Variants in VEPH1 observed in about 807,000 individuals in gnomAD.
VEPH1 encodes the protein ventricular zone-expressed PH domain-containing protein homolog 1.
In VEPH1, 80 loss-of-function variants were observed where a neutral mutation model predicts 85.2. The observed-to-expected ratio is 0.94, with a 90% CI of 0.78 to 1.13. The LOEUF is 1.13. Ranked by LOEUF, VEPH1 falls within the 50% of genes most tolerant of loss-of-function variation. VEPH1 has a pLI of 0.00. For missense variants in VEPH1, 955 were observed against 980.5 expected (o/e 0.97, Z 0.35); for synonymous variants, 297 against 348.0 (o/e 0.85, Z 1.63).
rs66539962 is a variant in VEPH1 at position 157,385,219 on chromosome 3, C to CAA, written c.907-3845_907-3844dup. ...TTGCTATACTGCCAGCTCCTCCCATCAAAAAAAAAAAAAAAAACTAAATGA... is the reference window on the plus strand; with the variant it reads ...TTGCTATACTGCCAGCTCCTCCCATCAAAAAAAAAAAAAAAAAAACTAAATGA... On this transcript the variant is annotated intron_variant, in intron 6 of 13. Transcript: ENST00000362010. 8.4e-3 allele frequency among the ~76,000 whole-genome samples: 1,132 copies of CAA among 135,462 alleles called. 5 individuals carry two copies. The highest frequency in any genetic ancestry group is 0.013 in the Non-Finnish European group (819 of 62,704). 88.9% of individuals were successfully genotyped at this position (135,462 alleles called of 152,430 possible).
intron 11 of VEPH1, among the ~76,000 whole-genome samples, chr3:157,311,526 T>C (rs1720108473): frequency 6.6e-6 from 1 of 152,254 alleles, no homozygotes; most frequent in South Asian, 2.1e-4. Context: ...CCACATAATG[T>C]ACATTGCAGA....
intron 2 of VEPH1, among the ~76,000 whole-genome samples, chr3:157,488,450 C>CA (rs575746617): frequency 3.0e-4 from 46 of 151,896 alleles, no homozygotes; most frequent in African/African-American, 9.4e-4. Flanking sequence ...TTCCTTGCAA[C>CA]AGCTTATTCA....
intron 9 of VEPH1, among the ~76,000 whole-genome samples, chr3:157,354,190 T>C (rs944036637): frequency 6.6e-6 from 1 of 152,042 alleles, no homozygotes; most frequent in Admixed American, 6.6e-5. Flanking sequence ...TAAATGGGAA[T>C]TCTCTATACT....
chr3:157,357,764 A>T (rs924603582), intron 9 of VEPH1, among the ~76,000 whole-genome samples: 2 of 152,170 alleles, frequency 1.3e-5, no homozygotes, highest in African/African-American at 4.8e-5. Context: ...AAGTGTTGGG[A>T]TTATGTAATA....
chr3:157,436,235 C>G (rs1044908276), intron 4 of VEPH1, among the ~76,000 whole-genome samples: 25 of 151,914 alleles, frequency 1.6e-4, no homozygotes, highest in African/African-American at 5.8e-4. Context: ...CGAGATCACA[C>G]CATTGCACTC....
chr3:157,355,657 T>G (rs769220511), intron 9 of VEPH1, among the ~76,000 whole-genome samples: 1 of 152,224 alleles, frequency 6.6e-6, no homozygotes, highest in Non-Finnish European at 1.5e-5. Context: ...ACATCTAAAC[T>G]GAAGTGATCA....
chr3:157,469,843 C>T (rs77108586), intron 3 of VEPH1, among the ~76,000 whole-genome samples: 2 of 152,100 alleles, frequency 1.3e-5, no homozygotes, highest in East Asian at 1.9e-4. Context: ...GTGGTCAGAA[C>T]GGGCAAATAT....
chr3:157,421,884 C>G (rs780888875), intron 5 of VEPH1, among the ~76,000 whole-genome samples: 3 of 152,158 alleles, frequency 2.0e-5, no homozygotes, highest in Non-Finnish European at 4.4e-5. Context: ...CCACATCACT[C>G]TAGGTGCTCC....
intron 4 of VEPH1, among the ~76,000 whole-genome samples, chr3:157,453,563 A>G (rs984075343): frequency 6.6e-6 from 1 of 152,214 alleles, no homozygotes; most frequent in African/African-American, 2.4e-5. Flanking sequence ...TGACCATTCA[A>G]TGTATTTTAT....
chr3:157,399,256 A>G (rs568944371), intron 6 of VEPH1, among the ~76,000 whole-genome samples: 1 of 152,350 alleles, frequency 6.6e-6, no homozygotes, highest in African/African-American at 2.4e-5. Context: ...AACTCAATAT[A>G]AGCAAATGTG....
intron 9 of VEPH1, among the ~76,000 whole-genome samples, chr3:157,330,815 G>T (rs1722416036): frequency 2.0e-5 from 3 of 152,198 alleles, no homozygotes; most frequent in African/African-American, 7.2e-5. Context: ...AGGCCTGGTG[G>T]TTAACTGAGG....
At position 157,317,170 on chromosome 3, in the gene VEPH1, G is replaced by A; in HGVS notation, c.1767C>T (p.Phe589=). The A allele has an allele frequency of 6.2e-7, 1 of 1,611,772 alleles. No homozygotes were observed. Among genetic ancestry groups the A allele is most frequent in the South Asian group, 1.1e-5 (1 of 90,660 alleles). ...AATGACCCTTCAGGGAGCAGGTGAA[G>A]AACAACTTTGCTACACAACTTCTCA... ...DTVRSCVAKL[F]FTCSLKGHYC... is the part of the protein sequence containing the mutation. Residue 589 remains phenylalanine, a synonymous_variant, in exon 10 of 14, where the codon TTC becomes TTT. Coordinates refer to ENST00000362010, the MANE Select transcript of VEPH1 (RefSeq NM_001167912.2).
chr3:157,361,941 C>T (rs1726090152), intron 9 of VEPH1, among the ~76,000 whole-genome samples: 1 of 152,080 alleles, frequency 6.6e-6, no homozygotes, highest in Non-Finnish European at 1.5e-5. Flanking sequence ...ACTAATTATT[C>T]CTTTTGCCTT....
At chr3:157,391,632 A>G (rs1435334691) in intron 6 of VEPH1, among the ~76,000 whole-genome samples, 1 of 152,194 alleles carries the variant, frequency 6.6e-6, no homozygotes, top group Admixed American at 6.5e-5. Context: ...CCTGATAAAG[A>G]AGGAGAAAAA....
At chr3:157,292,987 A>G (rs1717700786) in intron 11 of VEPH1, among the ~76,000 whole-genome samples, 1 of 150,656 alleles carries the variant, frequency 6.6e-6, no homozygotes, top group Non-Finnish European at 1.5e-5. Flanking sequence ...CCACCTCAAA[A>G]AAAAAAAAAA....
chr3:157,313,682 T>G lies in VEPH1; in HGVS notation c.1949A>C (p.Gln650Pro). 6.2e-7 allele frequency: 1 copy of G among 1,614,192 alleles called. No individual in the cohort carries two copies. The highest frequency in any genetic ancestry group is 1.1e-5 in the South Asian group (1 of 91,086). Reference protein sequence around the residue: ...QFLRALWEKTQAGGAHSFETA... With the variant: ...QFLRALWEKTPAGGAHSFETA... ...TTCAAAGCTGTGAGCACCCCCTGCC[T>G]GGGTCTTCTCCCACAGAGCTCTGAG... Residue 650 changes from glutamine to proline, a missense_variant, in exon 11 of 14, where the codon CAG becomes CCG. By Grantham distance (76) the Gln-to-Pro change is moderately conservative. Coordinates refer to ENST00000362010, the MANE Select transcript of VEPH1 (RefSeq NM_001167912.2).
At position 157,401,198 on chromosome 3, in the gene VEPH1, G is replaced by A. The variant is rs1018369493; in HGVS notation, c.906+12683C>T. On this transcript the variant is annotated intron_variant, in intron 6 of 13. Transcript: ENST00000362010. The stretch of plus-strand genomic sequence containing the variant: ...ACCACAGGCCTTCTGGCCCAATCAT[G>A]GAAATCATTTTGAAGAATGATGCCT... Among the ~76,000 whole-genome samples, 5 of 151,954 alleles carry A rather than the reference G, an allele frequency of 3.3e-5. 1 individual carries two copies. The East Asian group carries it at 9.6e-4, about 29-fold the overall frequency.
At chr3:157,450,419 G>C (rs1486363574) in intron 4 of VEPH1, among the ~76,000 whole-genome samples, 1 of 151,858 alleles carries the variant, frequency 6.6e-6, no homozygotes, top group Admixed American at 6.6e-5. Context: ...TGATTGTTTT[G>C]ACCCTTCCTT....
chr3:157,452,194 G>A (rs1179965457), intron 4 of VEPH1, among the ~76,000 whole-genome samples: 1 of 152,036 alleles, frequency 6.6e-6, no homozygotes, highest in East Asian at 1.9e-4. Flanking sequence ...GCAGGGGAGG[G>A]CAGCCAAGCA....
Sources: allele counts gnomAD v4.1 joint callset (sites outside exome capture counted in the v4.1 genomes callset), GRCh38; gene constraint gnomAD v4.1.1; transcripts MANE v1.5; gene names NCBI Gene and HGNC (gene_info 2026-07-23, HGNC 2026-07-21).